Variants in PLS1 observed in about 807,000 individuals in gnomAD.
PLS1 encodes plastin-1.
A neutral mutation model predicts 73.7 loss-of-function variants in PLS1; 32 were observed. The observed-to-expected ratio is 0.43, with a 90% CI of 0.33 to 0.58. PLS1 has a LOEUF of 0.58. PLS1 is among the 20% of genes least tolerant of loss of function. The pLI, the probability that PLS1 is intolerant of heterozygous loss-of-function variation, is 0.04. For synonymous variants in PLS1, 217 were observed against 261.3 expected (o/e 0.83, Z 1.63); for missense variants, 633 against 740.5 (o/e 0.85, Z 1.68).
At chr3:142,697,201 GTAA>G (rs1232330322) in intron 11 of PLS1, among the ~76,000 whole-genome samples, 2 of 152,092 alleles carry the variant, frequency 1.3e-5, no homozygotes, top group Admixed American at 6.6e-5. Context: ...ATCCAAAGTA[GTAA>G]TATTTTTACT....
At chr3:142,686,422 C>A in intron 9 of PLS1, 46 bp downstream of exon 9, 1 of 1,124,920 alleles carries the variant, frequency 8.9e-7, no homozygotes, top group Non-Finnish European at 1.4e-6. Flanking sequence ...GTAAAACAGA[C>A]GTAGAAAATT....
At chr3:142,643,816 CTTCAT>C (rs1008849948) in intron 1 of PLS1, among the ~76,000 whole-genome samples, 6 of 143,262 alleles carry the variant, frequency 4.2e-5, no homozygotes, top group Non-Finnish European at 9.0e-5. Flanking sequence ...TTGTTAATTT[CTTCAT>C]TTCATTTTTT....
chr3:142,704,635 A>ATTTT (rs10631186), intron 14 of PLS1, 49 bp downstream of exon 14: 5,004 of 261,392 alleles, frequency 0.019, 312 homozygotes, highest in African/African-American at 0.025. Context: ...ATAGGAAGGA[A>ATTTT]TTTTTTTTTT....
chr3:142,663,594 GA>G (rs1299346373), intron 1 of PLS1, among the ~76,000 whole-genome samples: 2 of 152,132 alleles, frequency 1.3e-5, no homozygotes, highest in Non-Finnish European at 2.9e-5. Context: ...ACCTATTCAG[GA>G]GGCTGAGGTG....
At chr3:142,608,871 A>G (rs1323303632) in intron 1 of PLS1, among the ~76,000 whole-genome samples, 2 of 152,248 alleles carry the variant, frequency 1.3e-5, no homozygotes, top group Non-Finnish European at 2.9e-5. Context: ...TGAGGGTCAT[A>G]AAGCAGGCAA....
intron 1 of PLS1, among the ~76,000 whole-genome samples, chr3:142,599,807 T>G (rs1381863510): frequency 1.3e-5 from 2 of 152,112 alleles, no homozygotes; most frequent in Non-Finnish European, 2.9e-5. Flanking sequence ...CAGGCTGGAG[T>G]GCAGTGGCAC....
intron 10 of PLS1, among the ~76,000 whole-genome samples, chr3:142,690,993 TG>T (rs2038073954): frequency 6.6e-6 from 1 of 152,102 alleles, no homozygotes; most frequent in Admixed American, 6.6e-5. Context: ...TTCTTCTTGG[TG>T]GGGAGAGTAT....
At chr3:142,620,988 C>T (rs960707545) in intron 1 of PLS1, among the ~76,000 whole-genome samples, 3 of 152,046 alleles carry the variant, frequency 2.0e-5, no homozygotes, top group African/African-American at 7.2e-5. Flanking sequence ...CCCTGCACTC[C>T]AGCCTGGGTG....
intron 6 of PLS1, 67 bp from the exon 7 acceptor site, chr3:142,683,939 G>A: frequency 8.5e-7 from 1 of 1,175,226 alleles, no homozygotes; most frequent in South Asian, 1.7e-5. Context: ...GTTTCTTATA[G>A]ATAATTTTTA....
At chr3:142,682,355 A>G (rs754543792) in intron 6 of PLS1, among the ~76,000 whole-genome samples, 13 of 152,234 alleles carry the variant, frequency 8.5e-5, no homozygotes, top group Non-Finnish European at 1.6e-4. Flanking sequence ...GAATAAGATC[A>G]TGGTAATGAA....
rs767865485 is a variant in PLS1, at chr3:142,676,149, C to T, written c.365-8C>T. 31 of 1,608,746 alleles carry T rather than the reference C, an allele frequency of 1.9e-5. No homozygotes were observed. Among genetic ancestry groups the T allele is most frequent in the Non-Finnish European group, 2.5e-5 (29 of 1,178,276 alleles). On this transcript the variant is annotated splice_region_variant and splice_polypyrimidine_tract_variant and intron_variant, in intron 4 of 15. Coordinates refer to ENST00000457734, the MANE Select transcript of PLS1 (RefSeq NM_001145319.2). Reference sequence around the variant, plus strand: ...TGAGATTTGCCTACCAAGGTTTTCTCCTTTCAGAGGAAGAAAAAGTGGCTT... The same window carrying T: ...TGAGATTTGCCTACCAAGGTTTTCTTCTTTCAGAGGAAGAAAAAGTGGCTT...
chr3:142,675,351 AATAG>A (rs1386483781), intron 4 of PLS1, among the ~76,000 whole-genome samples: 2 of 151,814 alleles, frequency 1.3e-5, no homozygotes, highest in Non-Finnish European at 2.9e-5. Flanking sequence ...CATCTCTCCT[AATAG>A]ATCAGTTTTT....
At chr3:142,653,955 T>C (rs191811834) in intron 1 of PLS1, among the ~76,000 whole-genome samples, 14 of 152,348 alleles carry the variant, frequency 9.2e-5, no homozygotes, top group Admixed American at 2.0e-4. Flanking sequence ...TATATCTTCA[T>C]TTAGCCCAGC....
intron 6 of PLS1, among the ~76,000 whole-genome samples, chr3:142,679,807 G>GA (rs1376959699): frequency 6.6e-6 from 1 of 152,100 alleles, no homozygotes; most frequent in Non-Finnish European, 1.5e-5. Flanking sequence ...CCAATTCTGT[G>GA]AAAAAAGTCA....
chr3:142,680,246 G>A (rs1274418272), intron 6 of PLS1, among the ~76,000 whole-genome samples: 16 of 152,086 alleles, frequency 1.1e-4, no homozygotes, highest in East Asian at 1.9e-4. Context: ...TAAAGTTTTT[G>A]TGGAGATGGG....
chr3:142,623,642 G>A (rs2036359871), intron 1 of PLS1: 3 of 152,152 alleles, frequency 2.0e-5, no homozygotes, highest in Admixed American at 2.0e-4. Context: ...TTGTTAAATT[G>A]AGATAAACAC....
At chr3:142,640,056 T>G (rs1332779464) in intron 1 of PLS1, among the ~76,000 whole-genome samples, 3 of 152,206 alleles carry the variant, frequency 2.0e-5, no homozygotes, top group Non-Finnish European at 2.9e-5. Context: ...TGGGAGAATT[T>G]TATACAATAG....
At position 142,689,755 on chromosome 3, in the gene PLS1, C is replaced by T; in HGVS notation, c.1119C>T (p.Asn373=). ...LNLAFVANLF[N]TYPCLHKPNN... Reference sequence around the variant, plus strand: ...TAGCTTTTGTAGCTAATTTGTTTAACACATACCCGTGCCTGCACAAGCCGA... The same window carrying T: ...TAGCTTTTGTAGCTAATTTGTTTAATACATACCCGTGCCTGCACAAGCCGA... Residue 373 remains asparagine, a synonymous_variant, in exon 10 of 16, where the codon AAC becomes AAT. Coordinates refer to ENST00000457734, the MANE Select transcript of PLS1 (RefSeq NM_001145319.2). 6.2e-7 allele frequency: 1 copy of T among 1,610,752 alleles called. No individual in the cohort carries two copies. Among genetic ancestry groups the T allele is most frequent in the Non-Finnish European group, 8.5e-7 (1 of 1,178,144 alleles).
In PLS1 at chr3:142,669,495, T is replaced by C. The variant is rs1309644892; in HGVS notation, c.176T>C (p.Ile59Thr). 6.2e-7 allele frequency: 1 copy of C among 1,613,558 alleles called. No homozygotes were observed. Among genetic ancestry groups the C allele is most frequent in the Admixed American group, 1.7e-5 (1 of 59,972 alleles). ...GYKVREIVEK[I>T]LSVADSNKDG... Reference sequence around the variant, plus strand: ...AAGGTGCGCGAGATTGTGGAGAAAATTCTATCAGTTGCTGACAGCAACAAA... The same window carrying C: ...AAGGTGCGCGAGATTGTGGAGAAAACTCTATCAGTTGCTGACAGCAACAAA... The change falls in exon 3 of 16, where the codon ATT becomes ACT. Residue 59 changes from isoleucine (I) to threonine (T), a missense_variant. Physicochemically the swap from Ile to Thr is moderately conservative, Grantham distance 89. Coordinates refer to ENST00000457734, the MANE Select transcript of PLS1 (RefSeq NM_001145319.2).
Sources: allele counts gnomAD v4.1 joint callset (sites outside exome capture counted in the v4.1 genomes callset), GRCh38; gene constraint gnomAD v4.1.1; transcripts MANE v1.5; gene names NCBI Gene and HGNC (gene_info 2026-07-23, HGNC 2026-07-21).